Variants in NRG3 observed in about 807,000 individuals in gnomAD.
NRG3 encodes the protein pro-neuregulin-3, membrane-bound isoform.
Under a neutral mutation model 66.9 loss-of-function variants are expected in NRG3, and 31 were observed. The observed-to-expected ratio is 0.46, with a 90% confidence interval of 0.35 to 0.63. The LOEUF is 0.63. NRG3 is among the 20% of genes least tolerant of loss of function. The probability of loss-of-function intolerance (pLI) is 0.00; values close to 1 mark genes in which losing one functional copy is unlikely to be tolerated. For synonymous variants in NRG3, 393 were observed against 359.4 expected, an observed-to-expected ratio of 1.09 and a Z score of -1.06; for missense variants, 910 against 878.9, an observed-to-expected ratio of 1.04 and a Z score of -0.45.
intron 2 of NRG3, among the ~76,000 whole-genome samples, chr10:82,726,404 T>C (rs1591324768): frequency 2.0e-5 from 3 of 152,110 alleles, no homozygotes; most frequent in South Asian, 4.1e-4. Context: ...TGGGAGGTAA[T>C]TGAATCATGG....
At chr10:82,468,318 G>A (rs1194944941) in intron 2 of NRG3, among the ~76,000 whole-genome samples, 1 of 142,478 alleles carries the variant, frequency 7.0e-6, no homozygotes, top group East Asian at 2.1e-4. Flanking sequence ...TAATAACTAT[G>A]AACTGTGATA....
intron 2 of NRG3, among the ~76,000 whole-genome samples, chr10:82,628,865 G>A (rs991928779): frequency 2.6e-5 from 4 of 152,150 alleles, no homozygotes; most frequent in African/African-American, 9.7e-5. Flanking sequence ...ATAAACAAGA[G>A]AAAGATCTGG....
chr10:82,402,069 T>C (rs1455570173), intron 2 of NRG3, among the ~76,000 whole-genome samples: 5 of 152,132 alleles, frequency 3.3e-5, no homozygotes, highest in Non-Finnish European at 5.9e-5. Context: ...TTGATTTTAT[T>C]TATGTTGACA....
chr10:82,569,246 G>A (rs1010173720), intron 2 of NRG3, among the ~76,000 whole-genome samples: 1 of 151,620 alleles, frequency 6.6e-6, no homozygotes, highest in Non-Finnish European at 1.5e-5. Context: ...GTTACATTTA[G>A]TGGTGGCATC....
rs73303032 is a variant in NRG3, at chr10:82,405,347, G to A, written c.953+46479G>A. On this transcript the variant is annotated intron_variant, in intron 2 of 8. Transcript: ENST00000372141. Reference sequence around the variant, plus strand: ...GAGAACCTCAAGAATGGCCATGGTGGCTGGAACAAAGTGAGTGAAGGGTAG... The same window carrying A: ...GAGAACCTCAAGAATGGCCATGGTGACTGGAACAAAGTGAGTGAAGGGTAG... Among the ~76,000 whole-genome samples the A allele has an allele frequency of 5.5e-3, 844 of 152,190 alleles. 8 individuals carry two copies. Among genetic ancestry groups the A allele is most frequent in the African/African-American group, 0.02 (820 of 41,524 alleles).
intron 2 of NRG3, among the ~76,000 whole-genome samples, chr10:82,593,709 T>C (rs1360431603): frequency 6.6e-6 from 1 of 152,152 alleles, no homozygotes; most frequent in East Asian, 1.9e-4. Flanking sequence ...AATAGATACC[T>C]ACTTTTAAGA....
chr10:82,492,678 C>T (rs547368723), intron 2 of NRG3, among the ~76,000 whole-genome samples: 1 of 152,326 alleles, frequency 6.6e-6, no homozygotes, highest in Non-Finnish European at 1.5e-5. Context: ...TGTATAAGTT[C>T]ACATTGCACC....
At chr10:82,867,195 A>G (rs1840839283) in intron 4 of NRG3, among the ~76,000 whole-genome samples, 2 of 152,234 alleles carry the variant, frequency 1.3e-5, no homozygotes, top group South Asian at 4.1e-4. Flanking sequence ...AAGGTAGCAA[A>G]TGACTAGTTT....
At chr10:82,746,484 T>A (rs1034215205) in intron 3 of NRG3, among the ~76,000 whole-genome samples, 5 of 152,152 alleles carry the variant, frequency 3.3e-5, no homozygotes, top group Non-Finnish European at 7.3e-5. Flanking sequence ...CTCACTATAT[T>A]GTATCATTGT....
intron 4 of NRG3, among the ~76,000 whole-genome samples, chr10:82,943,560 G>C (rs1179274599): frequency 6.6e-6 from 1 of 152,210 alleles, no homozygotes; most frequent in Admixed American, 6.5e-5. Flanking sequence ...AGGAAAGGAG[G>C]AGTATATCTC....
chr10:82,185,064 C>G (rs1219860142), intron 1 of NRG3, among the ~76,000 whole-genome samples: 1 of 152,076 alleles, frequency 6.6e-6, no homozygotes, highest in Non-Finnish European at 1.5e-5. Context: ...CAGTAAATAA[C>G]TATTTAAGAG....
At chr10:82,220,376 G>A (rs2075884735) in intron 1 of NRG3, among the ~76,000 whole-genome samples, 1 of 152,182 alleles carries the variant, frequency 6.6e-6, no homozygotes, top group Non-Finnish European at 1.5e-5. Context: ...GCTGGGGACA[G>A]GAGTGAAAGG....
intron 3 of NRG3, among the ~76,000 whole-genome samples, chr10:82,753,057 T>C (rs2058938486): frequency 6.6e-6 from 1 of 152,194 alleles, no homozygotes; most frequent in Admixed American, 6.6e-5. Flanking sequence ...TATGTACCTT[T>C]ATAGACCTTT....
At chr10:82,430,833 C>T (rs1313845517) in intron 2 of NRG3, among the ~76,000 whole-genome samples, 1 of 152,154 alleles carries the variant, frequency 6.6e-6, no homozygotes, top group East Asian at 1.9e-4. Flanking sequence ...GACCATCTGC[C>T]AATGGGCTCT....
chr10:82,839,257 A>G (rs571547468), intron 3 of NRG3, among the ~76,000 whole-genome samples: 1 of 152,292 alleles, frequency 6.6e-6, no homozygotes, highest in Non-Finnish European at 1.5e-5. Context: ...TAAAATGGTT[A>G]TAGGATACTC....
chr10:82,156,672 AGC>A (rs1304418008), intron 1 of NRG3, among the ~76,000 whole-genome samples: 1 of 151,702 alleles, frequency 6.6e-6, no homozygotes, highest in African/African-American at 2.4e-5. Flanking sequence ...ATCAGATTTT[AGC>A]TCCAATGGTG....
At chr10:82,595,660 C>A (rs545367713) in intron 2 of NRG3, among the ~76,000 whole-genome samples, 6 of 152,066 alleles carry the variant, frequency 3.9e-5, no homozygotes, top group African/African-American at 1.4e-4. Context: ...TGGTGGGCGC[C>A]TGTAGTCCCA....
intron 1 of NRG3, among the ~76,000 whole-genome samples, chr10:81,984,147 A>T (rs1589685851): frequency 1.3e-5 from 2 of 152,178 alleles, no homozygotes; most frequent in African/African-American, 4.8e-5. Context: ...CCTTGCTGGT[A>T]CCATGACATT....
intron 1 of NRG3, among the ~76,000 whole-genome samples, chr10:82,183,224 C>G (rs886603162): frequency 6.6e-6 from 1 of 150,482 alleles, no homozygotes; most frequent in Non-Finnish European, 1.5e-5. Context: ...TTTTTCTTTT[C>G]TCTCTATCTC....
Sources: gnomAD v4.1 joint callset for allele counts (sites outside exome capture counted in the v4.1 genomes callset) on GRCh38, gnomAD v4.1.1 for gene constraint, MANE v1.5 for transcripts, NCBI Gene and HGNC (gene_info 2026-07-23, HGNC 2026-07-21) for gene names.